SGCD: variants seen among roughly 807,000 people sequenced by gnomAD.
SGCD encodes the protein delta-sarcoglycan.
Under a neutral mutation model 36.6 loss-of-function variants are expected in SGCD, and 18 were observed. The observed-to-expected ratio is 0.49, with a 90% CI of 0.34 to 0.73. The LOEUF (loss-of-function observed/expected upper bound fraction) is 0.73, where lower values mean the gene tolerates loss of function less well. SGCD is among the 30% of genes least tolerant of loss of function. The pLI, the probability that SGCD is intolerant of heterozygous loss-of-function variation, is 0.01. For missense variants in SGCD, 387 were observed against 346.7 expected (o/e 1.12, Z -0.92); for synonymous variants, 133 against 130.6 (o/e 1.02, Z -0.12).
At chr5:156,111,294 A>G (rs900579833) in intron 1 of SGCD, among the ~76,000 whole-genome samples, 1 of 152,134 alleles carries the variant, frequency 6.6e-6, no homozygotes, top group Non-Finnish European at 1.5e-5. Context: ...GTGCACACTG[A>G]GTAGGTGAGA....
At chr5:156,286,871 G>T (rs1267855023) in intron 3 of SGCD, among the ~76,000 whole-genome samples, 1 of 152,026 alleles carries the variant, frequency 6.6e-6, no homozygotes, top group African/African-American at 2.4e-5. Flanking sequence ...CAGTCAGGGT[G>T]TCTGTCATAG....
At chr5:156,057,753 ATT>A (rs1760097167) in intron 1 of SGCD, among the ~76,000 whole-genome samples, 1 of 146,214 alleles carries the variant, frequency 6.8e-6, no homozygotes, top group African/African-American at 2.5e-5. Context: ...TGATGGAAGG[ATT>A]TGGGCACTAA....
rs1420794713 is a variant in SGCD at position 156,757,720 on chromosome 5, G to A, written c.699+16G>A. 1 of 1,597,154 alleles carries A rather than the reference G, an allele frequency of 6.3e-7. No individual in the cohort carries two copies. The highest frequency in any genetic ancestry group is 1.3e-5 in the African/African-American group (1 of 74,502). On this transcript the variant is annotated intron_variant, in intron 8 of 8. Coordinates refer to ENST00000337851, the MANE Select transcript of SGCD (RefSeq NM_000337.6). ...AGATGGAGAGGTGAGGGATGAGAAG[G>A]ACAGAAGTTCAAAGAGCTACAGCTT...
chr5:156,215,197 G>A (rs1764541962), intron 3 of SGCD, among the ~76,000 whole-genome samples: 1 of 152,030 alleles, frequency 6.6e-6, no homozygotes, highest in Admixed American at 6.6e-5. Context: ...AATACTTCTT[G>A]TCTCAAGCAT....
intron 3 of SGCD, among the ~76,000 whole-genome samples, chr5:156,245,599 A>G (rs947049741): frequency 6.6e-6 from 1 of 152,180 alleles, no homozygotes; most frequent in Non-Finnish European, 1.5e-5. Flanking sequence ...TTCACAAACC[A>G]CTTTCAAAAT....
At chr5:156,218,736 T>G (rs1213666508) in intron 3 of SGCD, among the ~76,000 whole-genome samples, 2 of 152,156 alleles carry the variant, frequency 1.3e-5, no homozygotes, top group Middle Eastern at 3.2e-3. Flanking sequence ...TTTCTACCAG[T>G]GGGTGAAAGA....
rs142665754 is a variant in SGCD at position 156,214,289 on chromosome 5, G to T, written c.-44+90270G>T. Among the ~76,000 whole-genome samples the T allele has an allele frequency of 9.3e-3, 1,413 of 151,860 alleles. 10 individuals carry two copies. The highest frequency in any genetic ancestry group is 0.024 in the Middle Eastern group (7 of 292). On this transcript the variant is annotated intron_variant, in intron 3 of 9. Coordinates refer to the SGCD transcript ENST00000517913. Reference sequence around the variant, plus strand: ...ATACCAAATCAACCTACCAAAATCAGTATCATTTCTGTACACTAACAACAA... The same window carrying T: ...ATACCAAATCAACCTACCAAAATCATTATCATTTCTGTACACTAACAACAA...
chr5:155,879,251 C>T (rs1159382458), intron 1 of SGCD, among the ~76,000 whole-genome samples: 2 of 152,092 alleles, frequency 1.3e-5, no homozygotes, highest in Non-Finnish European at 2.9e-5. Flanking sequence ...ATGAATGTGG[C>T]CTGTATTTAA....
intron 3 of SGCD, among the ~76,000 whole-genome samples, chr5:156,388,231 GAAGT>G (rs1201676463): frequency 6.6e-6 from 1 of 152,192 alleles, no homozygotes; most frequent in African/African-American, 2.4e-5. Context: ...AGAAATTCAA[GAAGT>G]GAGTGGAAGA....
Position 156,314,483 on chromosome 5 carries a change from G to A in SGCD, c.-43-15051G>A, listed in dbSNP as rs564849879. On this transcript the variant is annotated intron_variant, in intron 3 of 9. Coordinates refer to the SGCD transcript ENST00000517913. ...TTATAATTACCAATACCATCATTTT[G>A]GGTACAGTTTTCTGGTCTTCTCTCC... is the stretch of plus-strand genomic sequence containing the variant. Among the ~76,000 whole-genome samples, 52 of 151,944 alleles carry A rather than the reference G, an allele frequency of 3.4e-4. No individual in the cohort carries two copies. The South Asian group carries it at 9.8e-3, about 28-fold the overall frequency.
At chr5:156,600,376 T>A (rs193204243) in intron 6 of SGCD, among the ~76,000 whole-genome samples, 1,731 of 152,314 alleles carry the variant, frequency 0.011, 13 homozygotes, top group Non-Finnish European at 0.019. Flanking sequence ...TAATATGAAA[T>A]CAACTTTTTT....
At position 156,759,581 on chromosome 5, in the gene SGCD, AATAT is replaced by A. The variant is rs915149265; in HGVS notation, c.*198_*201del. The stretch of plus-strand genomic sequence containing the variant: ...AAATATATATAAATATATATAAATA[AATAT>A]ATATATCCTCTGTATAAAATGAGGT... On this transcript the variant is annotated 3_prime_UTR_variant, in exon 9 of 9. Coordinates refer to ENST00000337851, the MANE Select transcript of SGCD (RefSeq NM_000337.6). 1 of 174,338 alleles carries A rather than the reference AATAT, an allele frequency of 5.7e-6. No homozygotes were observed. Among genetic ancestry groups the A allele is most frequent in the Admixed American group, 6.3e-5 (1 of 15,890 alleles). 10.8% of individuals were successfully genotyped at this position (174,338 alleles called of 1,614,324 possible).
chr5:155,987,501 ATCTATC>A (rs1416995326), intron 1 of SGCD, among the ~76,000 whole-genome samples: 1 of 152,114 alleles, frequency 6.6e-6, no homozygotes, highest in Non-Finnish European at 1.5e-5. Flanking sequence ...GCTGCCAATT[ATCTATC>A]TCTAACAGAG....
chr5:156,700,163 C>T (rs1399440391), intron 7 of SGCD, among the ~76,000 whole-genome samples: 1 of 152,162 alleles, frequency 6.6e-6, no homozygotes, highest in African/African-American at 2.4e-5. Flanking sequence ...GGCCAAAGAA[C>T]AACATACACT....
intron 3 of SGCD, among the ~76,000 whole-genome samples, chr5:156,153,394 T>G (rs1762874011): frequency 6.6e-6 from 1 of 151,672 alleles, no homozygotes; most frequent in Non-Finnish European, 1.5e-5. Context: ...TTTCTTTTAT[T>G]ATCTCCATGA....
chr5:156,420,102 A>G lies in SGCD; in HGVS notation c.192+75425A>G, dbSNP rs918583177. On this transcript the variant is annotated intron_variant, in intron 3 of 8. Transcript: ENST00000337851. ...TTTCTCAACCTCTGGCCATAGTAAC[A>G]TTGCAAAAATATTTACTCACACTTT... Among the ~76,000 whole-genome samples, 26 of 152,110 alleles carry G rather than the reference A, an allele frequency of 1.7e-4. 1 individual carries two copies. The highest frequency in any genetic ancestry group is 3.7e-4 in the Non-Finnish European group (25 of 68,006).
At chr5:156,112,349 T>C (rs551330556) in intron 1 of SGCD, among the ~76,000 whole-genome samples, 1 of 152,264 alleles carries the variant, frequency 6.6e-6, no homozygotes, top group East Asian at 1.9e-4. Flanking sequence ...ATTTGCCTGG[T>C]AAGAAGGGTG....
At chr5:156,721,774 A>G (rs546190244) in intron 7 of SGCD, among the ~76,000 whole-genome samples, 21 of 152,316 alleles carry the variant, frequency 1.4e-4, no homozygotes, top group Admixed American at 1.3e-3. Flanking sequence ...ATGTAGAGCA[A>G]CAGGGTGGGA....
chr5:156,744,294 G>T (rs757507652), intron 7 of SGCD, among the ~76,000 whole-genome samples: 3 of 152,226 alleles, frequency 2.0e-5, no homozygotes, highest in Non-Finnish European at 4.4e-5. Flanking sequence ...TGCAGCATCT[G>T]CCATACTCTT....
Sources: gnomAD v4.1 joint callset for allele counts (sites outside exome capture counted in the v4.1 genomes callset) on GRCh38, gnomAD v4.1.1 for gene constraint, MANE v1.5 for transcripts, NCBI Gene and HGNC (gene_info 2026-07-23, HGNC 2026-07-21) for gene names.